CATSPER3: variants seen among roughly 807,000 people sequenced by gnomAD.
The protein encoded by CATSPER3 is cation channel sperm associated 3.
CATSPER3 carries 23 observed loss-of-function variants against 36.6 expected under a neutral mutation model. The observed-to-expected ratio is 0.63, with a 90% CI of 0.45 to 0.89. The LOEUF (loss-of-function observed/expected upper bound fraction) is 0.89, where lower values mean the gene tolerates loss of function less well. Among genes scored for constraint, CATSPER3 ranks in the 40% least tolerant of loss-of-function variants. The pLI is 0.00. For missense variants in CATSPER3, 474 were observed against 503.9 expected, an observed-to-expected ratio of 0.94 and a Z score of 0.57; for synonymous variants, 172 against 184.1, an observed-to-expected ratio of 0.93 and a Z score of 0.53.
chr5:134,989,475 C>T (rs754166580), intron 2 of CATSPER3, among the ~76,000 whole-genome samples: 4 of 152,222 alleles, frequency 2.6e-5, no homozygotes, highest in Admixed American at 6.5e-5. Flanking sequence ...GCTAGATCTT[C>T]GGGATAAGGC....
chr5:134,971,094 C>T (rs112736853), intron 2 of CATSPER3, among the ~76,000 whole-genome samples: 7,264 of 151,812 alleles, frequency 0.048, 265 homozygotes, highest in Non-Finnish European at 0.064. Flanking sequence ...GGATTACAGG[C>T]GCCCGCCACA....
intron 2 of CATSPER3, among the ~76,000 whole-genome samples, chr5:134,978,661 G>T (rs1212445341): frequency 6.7e-6 from 1 of 150,300 alleles, no homozygotes; most frequent in African/African-American, 2.4e-5. Context: ...TGGAAAGGAA[G>T]AAATAAAACT....
At chr5:134,985,060 C>G (rs1364840011) in intron 2 of CATSPER3, among the ~76,000 whole-genome samples, 1 of 152,166 alleles carries the variant, frequency 6.6e-6, no homozygotes, top group African/African-American at 2.4e-5. Flanking sequence ...CTTGAGTGAT[C>G]TGCCCACCTC....
chr5:135,009,291 G>A, intron 5 of CATSPER3, 80 bp from the exon 6 acceptor site: 3 of 1,467,720 alleles, frequency 2.0e-6, no homozygotes, highest in East Asian at 2.3e-5. Flanking sequence ...GAGCAGCGGT[G>A]CAAGACTGGG....
At chr5:135,004,356 A>G (rs1048709703) in intron 3 of CATSPER3, among the ~76,000 whole-genome samples, 1 of 152,188 alleles carries the variant, frequency 6.6e-6, no homozygotes, top group African/African-American at 2.4e-5. Context: ...ATCCAATCAT[A>G]GCATCCTAGG....
rs1355093514 is a variant in CATSPER3, at chr5:134,967,918, G to T, written c.-74G>T. 3 of 1,144,084 alleles carry T rather than the reference G, an allele frequency of 2.6e-6. No individual in the cohort carries two copies. The highest frequency in any genetic ancestry group is 4.0e-6 in the Non-Finnish European group (3 of 758,322). The allele number at this position is 1,144,084 out of a possible 1,614,324, so 70.9% of individuals were successfully genotyped here. ...CTCTGCTGCCTCTCAGAATCCAGAC[G>T]CTAAGGAAAATCCCTAAGCAGAGAT... On this transcript the variant is annotated 5_prime_UTR_variant, in exon 1 of 8. Transcript: ENST00000282611.
At chr5:134,973,644 A>G (rs1042821469) in intron 2 of CATSPER3, among the ~76,000 whole-genome samples, 12 of 152,218 alleles carry the variant, frequency 7.9e-5, no homozygotes, top group Non-Finnish European at 1.5e-4. Flanking sequence ...TCAGGAGACT[A>G]TGTGAAGAGT....
chr5:135,001,659 A>T (rs1480585691), intron 3 of CATSPER3, among the ~76,000 whole-genome samples: 1 of 152,194 alleles, frequency 6.6e-6, no homozygotes, highest in East Asian at 1.9e-4. Flanking sequence ...TATTGGGTGC[A>T]TATATATTTA....
chr5:134,975,346 C>T (rs1291710616), intron 2 of CATSPER3: 1 of 151,216 alleles, frequency 6.6e-6, no homozygotes, highest in Non-Finnish European at 1.5e-5. Flanking sequence ...GAGCATTGAA[C>T]ATGTGGAAAT....
chr5:134,980,262 A>G (rs999096150), intron 2 of CATSPER3, among the ~76,000 whole-genome samples: 7 of 151,258 alleles, frequency 4.6e-5, no homozygotes, highest in African/African-American at 1.7e-4. Context: ...GGTTACAGGC[A>G]TGAGCCACCA....
chr5:134,989,505 C>G (rs1189544686), intron 2 of CATSPER3, among the ~76,000 whole-genome samples: 1 of 152,228 alleles, frequency 6.6e-6, no homozygotes, highest in East Asian at 1.9e-4. Context: ...TCTCTATCAG[C>G]ACTTGTACTT....
intron 2 of CATSPER3, among the ~76,000 whole-genome samples, chr5:134,980,056 A>C (rs1751731684): frequency 6.6e-6 from 1 of 151,332 alleles, no homozygotes; most frequent in African/African-American, 2.4e-5. Flanking sequence ...ATCATAGCTC[A>C]CTGCAGCCTT....
intron 3 of CATSPER3, among the ~76,000 whole-genome samples, chr5:135,003,829 C>T (rs755445721): frequency 5.3e-5 from 8 of 152,180 alleles, no homozygotes; most frequent in African/African-American, 1.2e-4. Flanking sequence ...GGGAGTGACC[C>T]GATTTTCCAG....
chr5:134,996,438 A>G lies in CATSPER3; in HGVS notation c.418A>G (p.Thr140Ala), dbSNP rs377511902. The change falls in exon 3 of 8, where the codon ACT (threonine) becomes GCT (alanine). Residue 140 changes from threonine to alanine, a missense_variant. Physicochemically the swap from Thr to Ala is moderately conservative, Grantham distance 58. Transcript: ENST00000282611. Reference protein sequence around the residue: ...ALRQLMGKQFTYLYIADGMQS... With the variant: ...ALRQLMGKQFAYLYIADGMQS... ...CCGCCAGCTCATGGGCAAACAGTTCACTTACCTGTATATCGCTGATGGCAT... is the reference window on the plus strand; with the variant it reads ...CCGCCAGCTCATGGGCAAACAGTTCGCTTACCTGTATATCGCTGATGGCAT... 15 of 1,614,042 alleles carry G rather than the reference A, an allele frequency of 9.3e-6. No homozygotes were observed.
intron 1 of CATSPER3, chr5:134,969,564 C>G: frequency 3.5e-6 from 1 of 285,290 alleles, no homozygotes; most frequent in South Asian, 3.9e-5. Flanking sequence ...GCTTAGTAGA[C>G]TGGCAATATT....
chr5:134,989,399 C>CT (rs1751852805), intron 2 of CATSPER3, among the ~76,000 whole-genome samples: 2 of 152,186 alleles, frequency 1.3e-5, no homozygotes, highest in Admixed American at 1.3e-4. Context: ...AGATATAAGT[C>CT]TTTTTTATCT....
intron 3 of CATSPER3, among the ~76,000 whole-genome samples, chr5:135,000,400 G>T (rs1752005697): frequency 6.6e-6 from 1 of 152,178 alleles, no homozygotes. Flanking sequence ...TTGTGTCTTT[G>T]CCAGGCTTTG....
chr5:134,987,542 T>C (rs1464090021), intron 2 of CATSPER3, among the ~76,000 whole-genome samples: 3 of 152,134 alleles, frequency 2.0e-5, no homozygotes, highest in Non-Finnish European at 4.4e-5. Context: ...TTTAAGAATA[T>C]AGATACAAAA....
intron 3 of CATSPER3, 30 bp downstream of exon 3, chr5:134,996,542 G>A (rs1751952246): frequency 6.2e-7 from 1 of 1,611,762 alleles, no homozygotes. Context: ...CATGGTGCTG[G>A]GAGGGCAGGC....
Sources: gnomAD v4.1 joint callset for allele counts (sites outside exome capture counted in the v4.1 genomes callset) on GRCh38, gnomAD v4.1.1 for gene constraint, MANE v1.5 for transcripts, NCBI Gene and HGNC (gene_info 2026-07-23, HGNC 2026-07-21) for gene names.